The following CRYL1 variants were observed in gnomAD, a reference collection of about 807,000 sequenced individuals.
CRYL1 encodes crystallin lambda 1.
A neutral mutation model predicts 36.6 loss-of-function variants in CRYL1; 29 were observed. The observed-to-expected ratio is 0.79, with a 90% CI of 0.59 to 1.08. The LOEUF (loss-of-function observed/expected upper bound fraction) is 1.08, where lower values mean the gene tolerates loss of function less well. Ranked by LOEUF, CRYL1 falls within the 50% of genes least tolerant of loss-of-function variation. The pLI is 0.00. For missense variants in CRYL1, 411 were observed against 407.9 expected, an observed-to-expected ratio of 1.01 and a Z score of -0.06; for synonymous variants, 152 against 151.5, an observed-to-expected ratio of 1.00 and a Z score of -0.02.
intron 3 of CRYL1, among the ~76,000 whole-genome samples, chr13:20,460,564 C>T (rs139582703): frequency 0.058 from 7,020 of 121,918 alleles, 669 homozygotes; most frequent in African/African-American, 0.21. Flanking sequence ...CTCGCTCTGT[C>T]GCCCAGGCTG....
At chr13:20,513,617 C>T (rs141920789) in intron 1 of CRYL1, 1 of 152,104 alleles carries the variant, frequency 6.6e-6, no homozygotes, top group African/African-American at 2.4e-5. Flanking sequence ...TGAGATGAAG[C>T]CAAGCAATCT....
intron 1 of CRYL1, among the ~76,000 whole-genome samples, chr13:20,523,127 G>A (rs2034127860): frequency 6.6e-6 from 1 of 151,964 alleles, no homozygotes; most frequent in South Asian, 2.1e-4. Context: ...ATGTTGGCCA[G>A]ACTGGTCTCG....
intron 2 of CRYL1, among the ~76,000 whole-genome samples, chr13:20,494,731 T>C (rs1026825070): frequency 1.3e-5 from 2 of 152,182 alleles, no homozygotes; most frequent in African/African-American, 4.8e-5. Flanking sequence ...TCCTCGATCC[T>C]CCAGGGACCA....
chr13:20,430,212 C>T (rs7323298), intron 5 of CRYL1: 448,066 of 981,636 alleles, frequency 0.46, 105,144 homozygotes, highest in East Asian at 0.55. Flanking sequence ...ATCTTCTAGA[C>T]TTTCACCAAG....
intron 3 of CRYL1, among the ~76,000 whole-genome samples, chr13:20,470,504 T>A (rs148662661): frequency 0.014 from 2,128 of 152,290 alleles, 159 homozygotes; most frequent in Admixed American, 0.12. Flanking sequence ...ACCAGTTCAT[T>A]GTTTTCCCTA....
At chr13:20,475,377 A>G (rs966982576) in intron 3 of CRYL1, among the ~76,000 whole-genome samples, 1 of 152,196 alleles carries the variant, frequency 6.6e-6, no homozygotes, top group African/African-American at 2.4e-5. Context: ...TAATCCATTC[A>G]GTCATCAACA....
chr13:20,420,721 G>T (rs1259988017), intron 5 of CRYL1, among the ~76,000 whole-genome samples: 1,795 of 39,454 alleles, frequency 0.045, 172 homozygotes, highest in Non-Finnish European at 0.076. Context: ...GTGTGTGTGT[G>T]TGTGTGTGTG....
chr13:20,494,947 T>C (rs1239928379), intron 2 of CRYL1, among the ~76,000 whole-genome samples: 2 of 152,162 alleles, frequency 1.3e-5, no homozygotes, highest in African/African-American at 4.8e-5. Context: ...ATCAGCCAAC[T>C]GCAAACTCCA....
intron 3 of CRYL1, among the ~76,000 whole-genome samples, chr13:20,444,504 C>T (rs1442898788): frequency 6.6e-6 from 1 of 152,164 alleles, no homozygotes; most frequent in Non-Finnish European, 1.5e-5. Context: ...AGGGGGCCAC[C>T]GTGGCACAGG....
chr13:20,500,510 A>T (rs2033683647), intron 2 of CRYL1, among the ~76,000 whole-genome samples: 1 of 152,266 alleles, frequency 6.6e-6, no homozygotes, highest in South Asian at 2.1e-4. Flanking sequence ...CTATGAGAAC[A>T]GTGATTCTTG....
rs531560980 is a variant in CRYL1 at position 20,427,205 on chromosome 13, C to T, written c.633+4897G>A. ...ATAAGATCACGTGACCCAGGGAGCACGCCTCCGGCAGGGGAAGTAAGTGTC... is the reference window on the plus strand; with the variant it reads ...ATAAGATCACGTGACCCAGGGAGCATGCCTCCGGCAGGGGAAGTAAGTGTC... On this transcript the variant is annotated intron_variant, in intron 5 of 7. Transcript: ENST00000298248. 2.9e-4 allele frequency: 290 copies of T among 985,452 alleles called. No homozygotes were observed. The African/African-American group carries it at 3.8e-3, about 13-fold the overall frequency. 61.0% of individuals were successfully genotyped at this position (985,452 alleles called of 1,614,324 possible). A position where few individuals can be genotyped will look rare whatever the true frequency, so the allele number is the denominator to read the frequency against.
At chr13:20,414,726 TC>T (rs1160117051) in intron 5 of CRYL1, among the ~76,000 whole-genome samples, 1 of 152,218 alleles carries the variant, frequency 6.6e-6, no homozygotes, top group Non-Finnish European at 1.5e-5. Flanking sequence ...AGACGTCTGA[TC>T]AGCCACCTGT....
At chr13:20,511,492 G>A (rs2033917442) in intron 2 of CRYL1, among the ~76,000 whole-genome samples, 1 of 152,162 alleles carries the variant, frequency 6.6e-6, no homozygotes, top group South Asian at 2.1e-4. Flanking sequence ...TTCTTAATGT[G>A]TAAAACAACA....
intron 3 of CRYL1, among the ~76,000 whole-genome samples, chr13:20,464,029 G>A (rs185337272): frequency 3.9e-5 from 6 of 152,192 alleles, no homozygotes; most frequent in East Asian, 1.9e-4. Flanking sequence ...CCTGTTAACC[G>A]ACATTAAAAT....
chr13:20,461,227 A>G (rs1052493863), intron 3 of CRYL1, among the ~76,000 whole-genome samples: 6 of 152,206 alleles, frequency 3.9e-5, no homozygotes, highest in Non-Finnish European at 8.8e-5. Flanking sequence ...TGATGCAGAC[A>G]CTGCAAACAT....
chr13:20,465,915 C>G (rs2032922575), intron 3 of CRYL1, among the ~76,000 whole-genome samples: 1 of 149,946 alleles, frequency 6.7e-6, no homozygotes, highest in Non-Finnish European at 1.5e-5. Context: ...TGAATGAGTT[C>G]TTGCTCTATT....
chr13:20,496,945 A>G (rs1164309233), intron 2 of CRYL1, among the ~76,000 whole-genome samples: 1 of 152,116 alleles, frequency 6.6e-6, no homozygotes, highest in Non-Finnish European at 1.5e-5. Flanking sequence ...AATCATGCAA[A>G]AGTAGTCAGG....
chr13:20,474,666 G>A (rs558413978), intron 3 of CRYL1, among the ~76,000 whole-genome samples: 8 of 152,216 alleles, frequency 5.3e-5, no homozygotes, highest in East Asian at 1.9e-4. Flanking sequence ...CAGAGGCAGC[G>A]GCGACTCCCA....
At chr13:20,485,745 C>G (rs1480770503) in intron 3 of CRYL1, among the ~76,000 whole-genome samples, 1 of 149,920 alleles carries the variant, frequency 6.7e-6, no homozygotes, top group African/African-American at 2.5e-5. Context: ...AGTTAACTGG[C>G]AAAAATGAAC....
Sources: allele counts gnomAD v4.1 joint callset (sites outside exome capture counted in the v4.1 genomes callset), GRCh38; gene constraint gnomAD v4.1.1; transcripts MANE v1.5; gene names NCBI Gene and HGNC (gene_info 2026-07-23, HGNC 2026-07-21).